ECE1: variants seen among roughly 807,000 people sequenced by gnomAD.
The protein encoded by ECE1 is endothelin converting enzyme 1.
A neutral mutation model predicts 98.6 loss-of-function variants in ECE1; 35 were observed. The observed-to-expected ratio is 0.35, with a 90% CI of 0.27 to 0.47. The LOEUF is 0.47. ECE1 is among the 20% of genes least tolerant of loss of function. ECE1 has a pLI of 1.00. For synonymous variants in ECE1, 394 were observed against 407.1 expected (o/e 0.97, Z 0.39); for missense variants, 814 against 1,025.3 (o/e 0.79, Z 2.81).
chr1:21,251,566 A>G (rs1481949714), intron 8 of ECE1, among the ~76,000 whole-genome samples: 1 of 152,182 alleles, frequency 6.6e-6, no homozygotes, highest in Non-Finnish European at 1.5e-5. Flanking sequence ...GTTTCTGGGT[A>G]ACTCTTCCCA....
chr1:21,254,932 T>C (rs901342069), intron 8 of ECE1, among the ~76,000 whole-genome samples: 42 of 152,134 alleles, frequency 2.8e-4, no homozygotes, highest in African/African-American at 9.4e-4. Flanking sequence ...CATCTATCGT[T>C]AGACTCACCT....
chr1:21,342,380 G>A (rs11805268), intron 1 of ECE1, among the ~76,000 whole-genome samples: 15,196 of 152,124 alleles, frequency 0.1, 2,507 homozygotes, highest in African/African-American at 0.34. Context: ...GCTGCAGGGT[G>A]GTTTGAGTAC....
In ECE1 at chr1:21,241,089, G is replaced by A. The variant is rs1299241084; in HGVS notation, c.1279-2845C>T. 3.9e-5 allele frequency among the ~76,000 whole-genome samples: 6 copies of A among 152,350 alleles called. No individual in the cohort carries two copies. The East Asian group carries it at 1.2e-3, about 29-fold the overall frequency. ...CATCCACAGCAGTAATCACAGTGAA[G>A]TGTAGCAGTGGAGTGAGAGCGGGCC... On this transcript the variant is annotated intron_variant, in intron 10 of 18. Transcript: ENST00000374893.
rs2098222920 is a variant in ECE1, at chr1:21,258,611, T to G, written c.762+82A>C. On this transcript the variant is annotated intron_variant, in intron 6 of 18. Coordinates refer to ENST00000374893, the MANE Select transcript of ECE1 (RefSeq NM_001397.3). The surrounding 1 kb of genome is among the most constrained non-coding windows in gnomAD (Gnocchi z 4.2). The stretch of plus-strand genomic sequence containing the variant: ...CCGTCCCACCCAGGGCAAGCCCCTC[T>G]CCCACCCCAGGTCCTGCTAAACTCA... 4.2e-6 allele frequency: 3 copies of G among 722,550 alleles called. No individual in the cohort carries two copies. Among genetic ancestry groups the G allele is most frequent in the African/African-American group, 3.7e-5 (2 of 54,468 alleles). 44.8% of individuals were successfully genotyped at this position (722,550 alleles called of 1,614,324 possible). A position where few individuals can be genotyped will look rare whatever the true frequency, so the allele number is the denominator to read the frequency against.
In ECE1 at chr1:21,220,238, G is replaced by C. The variant is rs1456192691; in HGVS notation, c.2137-107C>G. 7.0e-6 allele frequency: 9 copies of C among 1,290,930 alleles called. No individual in the cohort carries two copies. Among genetic ancestry groups the C allele is most frequent in the Admixed American group, 2.6e-5 (1 of 38,582 alleles). 80.0% of individuals were successfully genotyped at this position (1,290,930 alleles called of 1,614,324 possible). The stretch of plus-strand genomic sequence containing the variant: ...AGGCCAGGTGCGGTGGCTCACACCT[G>C]TAATCCCAGCACTTTGGGAGCCAAG... On this transcript the variant is annotated intron_variant, in intron 18 of 18. Coordinates refer to ENST00000374893, the MANE Select transcript of ECE1 (RefSeq NM_001397.3). This position sits in a 1 kb window ranked among gnomAD's most constrained non-coding sequence, Gnocchi z 5.0.
At chr1:21,236,669 C>T (rs538251071) in intron 12 of ECE1, 77 bp downstream of exon 12, 195 of 1,374,776 alleles carry the variant, frequency 1.4e-4, no homozygotes, top group African/African-American at 7.8e-4. Context: ...ACAAAAAAAC[C>T]GGCCTCTCCT....
At chr1:21,239,777 TTTTC>T (rs760561257) in intron 10 of ECE1, among the ~76,000 whole-genome samples, 1 of 152,012 alleles carries the variant, frequency 6.6e-6, no homozygotes, top group Non-Finnish European at 1.5e-5. Flanking sequence ...TTATACATTT[TTTTC>T]TTTCTTTTTT....
chr1:21,285,689 C>CA (rs11454934), intron 2 of ECE1, among the ~76,000 whole-genome samples: 22,853 of 71,638 alleles, frequency 0.32, 2,980 homozygotes, highest in East Asian at 0.45. Context: ...GACCCTGCCT[C>CA]AAAAAAAAAA....
chr1:21,332,200 TTCACTGGGAAGGCAAC>T (rs1333526826), intron 1 of ECE1, among the ~76,000 whole-genome samples: 1 of 152,066 alleles, frequency 6.6e-6, no homozygotes, highest in Non-Finnish European at 1.5e-5. Flanking sequence ...AGAGGCCTGC[TTCACTGGGAAGGCAAC>T]TCTCCAATGC....
chr1:21,244,303 C>T (rs866967275), intron 10 of ECE1, among the ~76,000 whole-genome samples: 5 of 152,188 alleles, frequency 3.3e-5, no homozygotes, highest in Admixed American at 6.5e-5. Context: ...GGTGTGGGCT[C>T]TCGGGGTACA....
chr1:21,297,624 T>C (rs531622329), intron 1 of ECE1, among the ~76,000 whole-genome samples: 1 of 147,764 alleles, frequency 6.8e-6, no homozygotes, highest in East Asian at 2.0e-4. Flanking sequence ...CTCTGCCTCC[T>C]GGGTTCAAGC....
At chr1:21,273,717 C>A (rs1275020708) in intron 3 of ECE1, among the ~76,000 whole-genome samples, 1 of 152,198 alleles carries the variant, frequency 6.6e-6, no homozygotes, top group Non-Finnish European at 1.5e-5. Flanking sequence ...AATCCCAGCA[C>A]TTTGGGAGGC....
chr1:21,231,293 C>G (rs988255209), intron 14 of ECE1, among the ~76,000 whole-genome samples: 2 of 152,208 alleles, frequency 1.3e-5, no homozygotes, highest in Non-Finnish European at 2.9e-5. Context: ...AGAGCCTAGA[C>G]AGTCACTCTG....
chr1:21,267,898 C>T (rs775764561), intron 4 of ECE1, among the ~76,000 whole-genome samples: 35 of 152,312 alleles, frequency 2.3e-4, no homozygotes, highest in African/African-American at 5.1e-4. Flanking sequence ...GCCACATCAC[C>T]GACATGGACA....
chr1:21,341,179 T>C (rs1164791831), intron 1 of ECE1, among the ~76,000 whole-genome samples: 2 of 152,310 alleles, frequency 1.3e-5, no homozygotes, highest in African/African-American at 4.8e-5. Context: ...CTGACAACAG[T>C]AATTGCGCTT....
chr1:21,253,938 G>T (rs1211600298), intron 8 of ECE1, among the ~76,000 whole-genome samples: 2 of 151,634 alleles, frequency 1.3e-5, no homozygotes, highest in African/African-American at 4.9e-5. Flanking sequence ...GCGTGGTGGT[G>T]CCTGCCTGTA....
chr1:21,315,151 G>C (rs185803888), intron 1 of ECE1, among the ~76,000 whole-genome samples: 2 of 152,324 alleles, frequency 1.3e-5, no homozygotes, highest in East Asian at 3.9e-4. Context: ...CTATTTAACA[G>C]ATGGGGGTGA....
chr1:21,250,683 C>G (rs1416572755), intron 8 of ECE1, among the ~76,000 whole-genome samples: 2 of 152,206 alleles, frequency 1.3e-5, no homozygotes, highest in East Asian at 3.9e-4. Context: ...ATGACACCCT[C>G]TGTGAGGGAG....
chr1:21,328,139 C>A (rs1639122732), intron 1 of ECE1, among the ~76,000 whole-genome samples: 1 of 152,222 alleles, frequency 6.6e-6, no homozygotes, highest in South Asian at 2.1e-4. Context: ...GACCTTTGCA[C>A]ATGCTGTTCT....
Sources: gnomAD v4.1 joint callset for allele counts (sites outside exome capture counted in the v4.1 genomes callset) on GRCh38, gnomAD v4.1.1 for gene constraint, Gnocchi (gnomAD v3.1) non-coding constraint, MANE v1.5 for transcripts, NCBI Gene and HGNC (gene_info 2026-07-23, HGNC 2026-07-21) for gene names.